Variants in RGS9 observed in about 807,000 individuals in gnomAD.
RGS9 encodes regulator of G protein signaling 9, also known as regulator of G-protein signalling 9.
A neutral mutation model predicts 102.0 loss-of-function variants in RGS9; 78 were observed. The ratio of observed to expected loss-of-function variants is 0.76; its 90% CI spans 0.64 to 0.92. The LOEUF (loss-of-function observed/expected upper bound fraction) is 0.92, where lower values mean the gene tolerates loss of function less well. Among genes scored for constraint, RGS9 ranks in the 40% least tolerant of loss-of-function variants. RGS9 has a pLI of 0.00. For missense variants in RGS9, 833 were observed against 866.1 expected (o/e 0.96, Z 0.48); for synonymous variants, 353 against 318.6 (o/e 1.11, Z -1.15).
In RGS9 at chr17:65,205,020, A is replaced by T. The variant is rs561972691; in HGVS notation, c.1203+719A>T. 3.9e-5 allele frequency among the ~76,000 whole-genome samples: 6 copies of T among 152,282 alleles called. No individual in the cohort carries two copies. The South Asian group carries it at 1.0e-3, about 26-fold the overall frequency. ...TAGAGGCGTAGTGTCTAGGAGAGAC[A>T]AATTTGTGTGTGTGTGATTGTAGTA... On this transcript the variant is annotated intron_variant, in intron 15 of 18. Transcript: ENST00000262406.
intron 4 of RGS9, 62 bp downstream of exon 4, chr17:65,160,401 T>A: frequency 1.3e-6 from 2 of 1,560,838 alleles, no homozygotes; most frequent in Non-Finnish European, 1.8e-6. Flanking sequence ...AAAGGTGGGG[T>A]TCATAGTTTC....
chr17:65,165,479 C>T (rs1177624003), intron 7 of RGS9, among the ~76,000 whole-genome samples: 3 of 152,178 alleles, frequency 2.0e-5, no homozygotes, highest in Non-Finnish European at 4.4e-5. Flanking sequence ...ATAAAGTAGT[C>T]ATTTTGTTAT....
At chr17:65,138,875 C>T (rs1456226445) in intron 1 of RGS9, among the ~76,000 whole-genome samples, 1 of 143,444 alleles carries the variant, frequency 7.0e-6, no homozygotes, top group Non-Finnish European at 1.5e-5. Flanking sequence ...CTGGTAGATT[C>T]TCCTCTCCTT....
chr17:65,149,018 G>GT (rs1910476474), intron 1 of RGS9, among the ~76,000 whole-genome samples: 1 of 152,086 alleles, frequency 6.6e-6, no homozygotes, highest in South Asian at 2.1e-4. Flanking sequence ...CTGGAGTGCA[G>GT]TGACGTGATC....
At chr17:65,189,203 A>G (rs1314283916) in intron 9 of RGS9, 83 bp from the exon 10 acceptor site, 4 of 1,190,504 alleles carry the variant, frequency 3.4e-6, no homozygotes, top group Non-Finnish European at 5.0e-6. Flanking sequence ...CTCATGGGGA[A>G]GGATTTTTAT....
chr17:65,198,644 C>T (rs1236752108), intron 13 of RGS9, among the ~76,000 whole-genome samples: 1 of 152,248 alleles, frequency 6.6e-6, no homozygotes, highest in Admixed American at 6.5e-5. Flanking sequence ...CATTCACCAC[C>T]TTCATTGAAA....
Position 65,168,084 on chromosome 17 carries a change from T to C in RGS9, c.501-116T>C, listed in dbSNP as rs191972411. On this transcript the variant is annotated intron_variant, in intron 7 of 18. Coordinates refer to ENST00000262406, the MANE Select transcript of RGS9 (RefSeq NM_003835.4). ...TGCTGTGTTCATTACTATTACGGTATATGTGAATTACTTGGGCAGGTTGGG... is the reference window on the plus strand; with the variant it reads ...TGCTGTGTTCATTACTATTACGGTACATGTGAATTACTTGGGCAGGTTGGG... 235 of 695,360 alleles carry C rather than the reference T, an allele frequency of 3.4e-4. 1 individual carries two copies. In the Middle Eastern group the frequency reaches 1.0e-2, roughly 29 times the overall value. 43.1% of individuals were successfully genotyped at this position (695,360 alleles called of 1,614,324 possible). A position where few individuals can be genotyped will look rare whatever the true frequency, so the allele number is the denominator to read the frequency against.
Position 65,163,382 on chromosome 17 carries a change from C to T in RGS9, c.500+293C>T, listed in dbSNP as rs939981545. 1.3e-4 allele frequency among the ~76,000 whole-genome samples: 19 copies of T among 151,644 alleles called. 1 individual carries two copies. The East Asian group carries it at 1.4e-3, about 11-fold the overall frequency. ...TTATTATTTGTATTTTTAGTAGAGA[C>T]GGGGTTTCACCATGTTGGCCAGGCT... On this transcript the variant is annotated intron_variant, in intron 7 of 18. Coordinates refer to ENST00000262406, the MANE Select transcript of RGS9 (RefSeq NM_003835.4).
intron 2 of RGS9, among the ~76,000 whole-genome samples, chr17:65,157,645 G>A (rs952247296): frequency 1.3e-5 from 2 of 152,058 alleles, no homozygotes; most frequent in Non-Finnish European, 2.9e-5. Flanking sequence ...TACACATGGA[G>A]CCTTCATTCC....
At position 65,158,324 on chromosome 17, in the gene RGS9, C is replaced by T. The variant is rs544504106; in HGVS notation, c.184C>T (p.Arg62Trp). 22 of 1,614,152 alleles carry T rather than the reference C, an allele frequency of 1.4e-5. No homozygotes were observed. The highest frequency in any genetic ancestry group is 1.6e-4 in the Middle Eastern group (1 of 6,062). The change falls in exon 3 of 19, where the codon CGG becomes TGG. Residue 62 changes from arginine (R) to tryptophan (W), a missense_variant. Arg to Trp is a moderately radical substitution (Grantham distance 101). This residue lies in a region of RGS9 where 328 missense variants were observed against 340.6 expected (regional missense o/e 0.96). Transcript: ENST00000262406. ...TGATGTTCTGCAATGGATCGTCCAGCGGCTTTGGATCTCCAGTCTGGGTGA... is the reference window on the plus strand; with the variant it reads ...TGATGTTCTGCAATGGATCGTCCAGTGGCTTTGGATCTCCAGTCTGGGTGA... ...GSDVLQWIVQRLWISSLEAQN... is the reference protein window; with the variant it reads ...GSDVLQWIVQWLWISSLEAQN...
intron 3 of RGS9, chr17:65,158,815 G>A (rs1567864262): frequency 7.5e-6 from 2 of 267,120 alleles, no homozygotes; most frequent in Non-Finnish European, 1.5e-5. Flanking sequence ...GCAGATCTGG[G>A]AGATAGGCAA....
intron 6 of RGS9, 32 bp from the exon 7 acceptor site, chr17:65,162,981 C>A (rs371975710): frequency 1.5e-5 from 18 of 1,216,118 alleles, no homozygotes; most frequent in African/African-American, 3.0e-5. Context: ...TGTCTTGGGG[C>A]TTTCTGTTCT....
chr17:65,198,993 C>CA (rs1052048021), intron 13 of RGS9, among the ~76,000 whole-genome samples: 3 of 152,174 alleles, frequency 2.0e-5, no homozygotes, highest in African/African-American at 4.8e-5. Context: ...ATCTCCCCCC[C>CA]ACTAATTCCT....
At chr17:65,213,371 C>T (rs193093926) in intron 17 of RGS9, among the ~76,000 whole-genome samples, 4 of 152,238 alleles carry the variant, frequency 2.6e-5, no homozygotes, top group Admixed American at 6.5e-5. Flanking sequence ...TCTGGGGGAA[C>T]GTGTTTTCGG....
intron 1 of RGS9, among the ~76,000 whole-genome samples, chr17:65,149,040 C>A (rs1304192349): frequency 1.3e-5 from 2 of 151,970 alleles, no homozygotes; most frequent in African/African-American, 2.4e-5. Flanking sequence ...CGGCTCATTG[C>A]AACCTCTGCC....
At chr17:65,195,975 A>G (rs1912569428) in intron 12 of RGS9, among the ~76,000 whole-genome samples, 1 of 152,262 alleles carries the variant, frequency 6.6e-6, no homozygotes, top group African/African-American at 2.4e-5. Context: ...GTTGGGACCC[A>G]GCAATCTGTT....
chr17:65,194,588 T>G (rs113464916), intron 12 of RGS9, among the ~76,000 whole-genome samples: 6,082 of 152,270 alleles, frequency 0.04, 189 homozygotes, highest in African/African-American at 0.073. Flanking sequence ...GGCTTTTTTT[T>G]GTCAGTTTTG....
intron 1 of RGS9, among the ~76,000 whole-genome samples, chr17:65,140,194 G>T (rs1298515812): frequency 6.6e-6 from 1 of 152,196 alleles, no homozygotes; most frequent in African/African-American, 2.4e-5. Context: ...AGTGGTCGTT[G>T]TCTGTCACAA....
At chr17:65,221,285 TAG>T (rs1913699016) in intron 17 of RGS9, among the ~76,000 whole-genome samples, 1 of 152,094 alleles carries the variant, frequency 6.6e-6, no homozygotes, top group Non-Finnish European at 1.5e-5. Flanking sequence ...GGAGGGCATA[TAG>T]AGAGGCTGAT....
Sources: allele counts gnomAD v4.1 joint callset (sites outside exome capture counted in the v4.1 genomes callset), GRCh38; gene constraint gnomAD v4.1.1; regional missense constraint gnomAD v4.1.1; transcripts MANE v1.5; gene names NCBI Gene and HGNC (gene_info 2026-07-23, HGNC 2026-07-21).